TTC23L: variants seen among roughly 807,000 people sequenced by gnomAD.
TTC23L encodes tetratricopeptide repeat protein 23-like.
Under a neutral mutation model 48.1 loss-of-function variants are expected in TTC23L, and 42 were observed. That is an observed-to-expected ratio of 0.87 (90% CI 0.68 to 1.13). The LOEUF is 1.13. Ranked by LOEUF, TTC23L falls within the 50% of genes most tolerant of loss-of-function variation. The pLI, the probability that TTC23L is intolerant of heterozygous loss-of-function variation, is 0.00. For synonymous variants in TTC23L, 159 were observed against 157.2 expected, an observed-to-expected ratio of 1.01 and a Z score of -0.09; for missense variants, 391 against 421.0, an observed-to-expected ratio of 0.93 and a Z score of 0.62.
At chr5:34,890,102 G>A (rs1211253565) in intron 9 of TTC23L, among the ~76,000 whole-genome samples, 4 of 151,968 alleles carry the variant, frequency 2.6e-5, no homozygotes, top group African/African-American at 9.7e-5. Flanking sequence ...CTCCCTAGGT[G>A]AGTGTTTTTA....
At chr5:34,882,618 T>TACACACACACACACAC (rs146120966) in intron 9 of TTC23L, among the ~76,000 whole-genome samples, 2,657 of 140,884 alleles carry the variant, frequency 0.019, 38 homozygotes, top group Middle Eastern at 0.04. Context: ...TCCCATGGAC[T>TACACACACACACACAC]ACACACACAC....
chr5:34,841,684 A>G (rs2150338132), intron 2 of TTC23L, among the ~76,000 whole-genome samples: 1 of 152,130 alleles, frequency 6.6e-6, no homozygotes, highest in Non-Finnish European at 1.5e-5. Context: ...TACCTGCCTA[A>G]TTTTTACATT....
At chr5:34,915,728 G>A in the TTC23L span, 1 of 1,594,640 alleles carries the variant, frequency 6.3e-7, no homozygotes, top group Non-Finnish European at 8.5e-7. Context: ...GAGCGCGGGC[G>A]GCGAGGCAAG....
the TTC23L span, among the ~76,000 whole-genome samples, chr5:34,912,861 C>G: frequency 2.6e-5 from 4 of 151,914 alleles, no homozygotes; most frequent in Non-Finnish European, 5.9e-5. Context: ...ATTAGCCGGG[C>G]GTGGTGGCAC....
At chr5:34,917,117 A>C in the TTC23L span, among the ~76,000 whole-genome samples, 1 of 152,234 alleles carries the variant, frequency 6.6e-6, no homozygotes, top group Non-Finnish European at 1.5e-5. Flanking sequence ...ACATTCAAAA[A>C]ATGAGAGGGA....
the TTC23L span, chr5:34,916,144 G>A: frequency 2.5e-6 from 1 of 396,916 alleles, no homozygotes; most frequent in African/African-American, 2.1e-5. Flanking sequence ...CGACTTACAG[G>A]GTGCTCAGAT....
At chr5:34,881,210 G>T (rs1238748705) in intron 9 of TTC23L, among the ~76,000 whole-genome samples, 1 of 152,102 alleles carries the variant, frequency 6.6e-6, no homozygotes, top group Non-Finnish European at 1.5e-5. Context: ...AGTCAAAATT[G>T]GCTTCCATCT....
chr5:34,849,744 G>A (rs1759506782), intron 3 of TTC23L, among the ~76,000 whole-genome samples: 1 of 152,192 alleles, frequency 6.6e-6, no homozygotes, highest in African/African-American at 2.4e-5. Flanking sequence ...ATGGGTGGAT[G>A]AGGGGTCTAG....
At chr5:34,913,638 G>A in the TTC23L span, 1 of 1,011,864 alleles carries the variant, frequency 9.9e-7, no homozygotes, top group East Asian at 2.5e-5. Flanking sequence ...ATAATATAAG[G>A]TCCTAGATTT....
At chr5:34,893,737 C>T (rs115177341) in intron 9 of TTC23L, among the ~76,000 whole-genome samples, 1,639 of 151,988 alleles carry the variant, frequency 0.011, 10 homozygotes, top group African/African-American at 0.014. Flanking sequence ...TTAGGGATCA[C>T]GCAGAAAGAG....
At chr5:34,909,359 A>G in the TTC23L span, 1 of 1,561,082 alleles carries the variant, frequency 6.4e-7, no homozygotes, top group Non-Finnish European at 8.8e-7. Flanking sequence ...TAGATAACCT[A>G]TAGAAAATGA....
chr5:34,887,277 A>G (rs1762598465), intron 9 of TTC23L, among the ~76,000 whole-genome samples: 1 of 152,218 alleles, frequency 6.6e-6, no homozygotes, highest in South Asian at 2.1e-4. Flanking sequence ...GGGAAGCATG[A>G]ACACGCGGAT....
At chr5:34,919,477 C>G in the TTC23L span, among the ~76,000 whole-genome samples, 1 of 151,856 alleles carries the variant, frequency 6.6e-6, no homozygotes, top group African/African-American at 2.4e-5. Context: ...TCTTTGACAC[C>G]TAAGATTAAA....
chr5:34,915,881 C>T, the TTC23L span: 1 of 1,557,394 alleles, frequency 6.4e-7, no homozygotes. Flanking sequence ...GACCGGATCC[C>T]AGGCCCCGTT....
In TTC23L at chr5:34,863,658, G is replaced by A. The variant is rs749521954; in HGVS notation, c.536+604G>A. ...CTTGTGGATACTGCCCATGAGGCTG[G>A]AGGCCAAGCAAAATAGACAAAACAA... On this transcript the variant is annotated intron_variant, in intron 5 of 10. Coordinates refer to ENST00000505624, the Ensembl canonical transcript of TTC23L. This position sits in a 1 kb window ranked among gnomAD's most constrained non-coding sequence, Gnocchi z 4.1. Among the ~76,000 whole-genome samples, 2 of 152,180 alleles carry A rather than the reference G, an allele frequency of 1.3e-5. No homozygotes were observed. Among genetic ancestry groups the A allele is most frequent in the Non-Finnish European group, 2.9e-5 (2 of 68,040 alleles).
intron 4 of TTC23L, 92 bp from the exon 5 acceptor site, chr5:34,862,806 C>T (rs1760776461): frequency 2.0e-6 from 3 of 1,476,914 alleles, no homozygotes; most frequent in Non-Finnish European, 2.8e-6. Context: ...GACAACTGCA[C>T]TGCCCACTTT....
intron 6 of TTC23L, among the ~76,000 whole-genome samples, 196 bp downstream of exon 6, chr5:34,864,758 T>A (rs988762532): frequency 3.2e-4 from 48 of 152,260 alleles, no homozygotes; most frequent in African/African-American, 1.2e-3. Context: ...ATTGAGGTAG[T>A]TGGTATGATT....
At position 34,853,693 on chromosome 5, in the gene TTC23L, A is replaced by G. The variant is rs550245021; in HGVS notation, c.379+3385A>G. On this transcript the variant is annotated intron_variant, in intron 4 of 10. Transcript: ENST00000505624. ...AGAGAGGGTTTTGAAAAGAAGTACA[A>G]CAGTGGTTTCAACAGTTCAGATGGT... Among the ~76,000 whole-genome samples, 14 of 152,278 alleles carry G rather than the reference A, an allele frequency of 9.2e-5. 1 individual carries two copies. The highest frequency in any genetic ancestry group is 8.5e-4 in the Admixed American group (13 of 15,292).
chr5:34,915,504 T>C, the TTC23L span: 2 of 438,248 alleles, frequency 4.6e-6, no homozygotes, highest in Non-Finnish European at 8.0e-6. Context: ...GCGGAGGAAG[T>C]GAAGCCAGTC....
Sources: allele counts gnomAD v4.1 joint callset (sites outside exome capture counted in the v4.1 genomes callset), GRCh38; gene constraint gnomAD v4.1.1; non-coding constraint Gnocchi (gnomAD v3.1); transcripts MANE v1.5; gene names NCBI Gene and HGNC (gene_info 2026-07-23, HGNC 2026-07-21).